The following HSPG2 variants were observed in gnomAD, a reference collection of about 807,000 sequenced individuals.
The protein encoded by HSPG2 is heparan sulfate proteoglycan 2.
In HSPG2, 278 loss-of-function variants were observed where a neutral mutation model predicts 526.6. That is an observed-to-expected ratio of 0.53 (90% CI 0.48 to 0.58). The LOEUF (loss-of-function observed/expected upper bound fraction) is 0.58. Among genes scored for constraint, HSPG2 ranks in the 20% least tolerant of loss-of-function variants. The pLI is 0.00. For synonymous variants in HSPG2, 2,465 were observed against 2,555.4 expected (o/e 0.96, Z 1.07); for missense variants, 5,354 against 6,099.5 (o/e 0.88, Z 4.07).
chr1:21,823,315 C>T lies in HSPG2; in HGVS notation c.*1G>A. 6.5e-7 allele frequency: 1 copy of T among 1,528,718 alleles called. No individual in the cohort carries two copies. 94.7% of individuals were successfully genotyped at this position (1,528,718 alleles called of 1,614,324 possible). On this transcript the variant is annotated 3_prime_UTR_variant, in exon 97 of 97. Transcript: ENST00000374695. ...GGAGTCCGTGTGGGGCAGGCAGGTG[C>T]CTACGAGGGGCAGGGGCGTGTGTTG... is the stretch of plus-strand genomic sequence containing the variant.
At position 21,829,467 on chromosome 1, in the gene HSPG2, C is replaced by G. The variant is rs762861100; in HGVS notation, c.11908G>C (p.Gly3970Arg). 24 of 1,613,276 alleles carry G rather than the reference C, an allele frequency of 1.5e-5. No homozygotes were observed. Among genetic ancestry groups the G allele is most frequent in the East Asian group, 6.7e-5 (3 of 44,892 alleles). ...TCCTCCACAGGCCCGCTCTTCCCCC[C>G]GCTGAACAGCAGGACCCCGTCAGGG... ...LAPDGVLLFS[G>R]GKSGPVEDFV... Residue 3970 changes from glycine (G) to arginine (R), a missense_variant, in exon 87 of 97, where the codon GGG (glycine) becomes CGG (arginine). Gly to Arg is a moderately radical substitution (Grantham distance 125). Transcript: ENST00000374695.
chr1:21,885,866 G>C (rs1366597769), intron 9 of HSPG2, among the ~76,000 whole-genome samples: 1 of 152,258 alleles, frequency 6.6e-6, no homozygotes. Flanking sequence ...CTGGCACAGT[G>C]TGGTCCCCTG....
Position 21,824,739 on chromosome 1 carries a change from G to A in HSPG2, c.12630C>T (p.Gly4210=), listed in dbSNP as rs2097964544. 2 of 1,613,578 alleles carry A rather than the reference G, an allele frequency of 1.2e-6. No individual in the cohort carries two copies. The highest frequency in any genetic ancestry group is 2.7e-5 in the African/African-American group (2 of 74,948). ...GQYGAYFHDD[G]FLAFPGHVFS... is the part of the protein sequence containing the mutation. Reference sequence around the variant, plus strand: ...AGACATGGCCAGGGAAGGCGAGGAAGCCATCATCGTGGAAATAGGCTCCGT... The same window carrying A: ...AGACATGGCCAGGGAAGGCGAGGAAACCATCATCGTGGAAATAGGCTCCGT... The change falls in exon 92 of 97, where the codon GGC becomes GGT. Residue 4210 remains glycine, a synonymous_variant. Transcript: ENST00000374695. The surrounding 1 kb of genome is among the most constrained non-coding windows in gnomAD (Gnocchi z 5.9).
Position 21,885,461 on chromosome 1 carries a change from A to C in HSPG2, c.1079-10T>G, listed in dbSNP as rs1436809663. 1 of 1,613,858 alleles carries C rather than the reference A, an allele frequency of 6.2e-7. No individual in the cohort carries two copies. The highest frequency in any genetic ancestry group is 2.2e-5 in the East Asian group (1 of 44,870). Reference sequence around the variant, plus strand: ...TCAGGACGCTTGGTGGCTGGGGACAAAGCCAGGTGGTTCCCAATAGCCCAC... The same window carrying C: ...TCAGGACGCTTGGTGGCTGGGGACACAGCCAGGTGGTTCCCAATAGCCCAC... On this transcript the variant is annotated splice_polypyrimidine_tract_variant and intron_variant, in intron 9 of 96. Transcript: ENST00000374695.
chr1:21,881,211 A>G (rs1641477423), intron 14 of HSPG2, 128 bp downstream of exon 14: 2 of 1,140,760 alleles, frequency 1.8e-6, no homozygotes, highest in East Asian at 4.7e-5. Context: ...AGCCGCTGCC[A>G]CAGGGGGCTG....
Position 21,880,446 on chromosome 1 carries a change from G to T in HSPG2, c.2112C>A (p.Ser704Arg). Residue 704 changes from serine (S) to arginine (R), a missense_variant, in exon 16 of 97, where the codon AGC (serine) becomes AGA (arginine). Transcript: ENST00000374695. Reference protein sequence around the residue: ...IQTVYNTKMASVGLSDIAMDT... With the variant: ...IQTVYNTKMARVGLSDIAMDT... ...CCATGGCGATGTCGCTAAGTCCCAC[G>T]CTGGCCATCTTGGTGTTGTACACGG... The T allele has an allele frequency of 6.2e-7, 1 of 1,613,982 alleles. No individual in the cohort carries two copies. Among genetic ancestry groups the T allele is most frequent in the South Asian group, 1.1e-5 (1 of 91,086 alleles).
intron 21 of HSPG2, 25 bp from the exon 22 acceptor site, chr1:21,876,677 A>C: frequency 1.9e-6 from 3 of 1,614,088 alleles, no homozygotes; most frequent in Non-Finnish European, 2.5e-6. Flanking sequence ...TTGGAGCTGA[A>C]GGACAGCCCA....
At position 21,876,524 on chromosome 1, in the gene HSPG2, C is replaced by G. The variant is rs764504825; in HGVS notation, c.2814G>C (p.Trp938Cys). 6.2e-7 allele frequency: 1 copy of G among 1,614,184 alleles called. No individual in the cohort carries two copies. Among genetic ancestry groups the G allele is most frequent in the Non-Finnish European group, 8.5e-7 (1 of 1,180,032 alleles). ...GVSRHCTSSS[W>C]SRAQLHGASE... Reference sequence around the variant, plus strand: ...CTTGCAGAGGTACCTGGGCACGGCTCCATGAAGAGCTGGTGCAGTGGCGAC... The same window carrying G: ...CTTGCAGAGGTACCTGGGCACGGCTGCATGAAGAGCTGGTGCAGTGGCGAC... The change falls in exon 22 of 97, where the codon TGG becomes TGC. Residue 938 changes from tryptophan to cysteine, a missense_variant. Transcript: ENST00000374695.
At chr1:21,846,319 G>T (rs1236942279) in intron 63 of HSPG2, 64 bp from the exon 64 acceptor site, 2 of 1,610,554 alleles carry the variant, frequency 1.2e-6, no homozygotes, top group Non-Finnish European at 1.7e-6. Flanking sequence ...GAAGGCCTGG[G>T]GCCAGGGTCT....
intron 1 of HSPG2, among the ~76,000 whole-genome samples, chr1:21,901,395 G>A (rs1409615384): frequency 6.6e-6 from 1 of 152,082 alleles, no homozygotes; most frequent in South Asian, 2.1e-4. Context: ...TGATGCATGC[G>A]GAGTGTGAGG....
chr1:21,872,874 C>A lies in HSPG2; in HGVS notation c.3889-114G>T. The A allele has an allele frequency of 6.5e-7, 1 of 1,541,582 alleles. No homozygotes were observed. ...CCAGCAGCCCCGGGCAGCCCCTGCCCTGTCCCCCATGCCCTGCCCCCCATG... is the reference window on the plus strand; with the variant it reads ...CCAGCAGCCCCGGGCAGCCCCTGCCATGTCCCCCATGCCCTGCCCCCCATG... On this transcript the variant is annotated intron_variant, in intron 31 of 96. Transcript: ENST00000374695. This position sits in a 1 kb window ranked among gnomAD's most constrained non-coding sequence, Gnocchi z 5.5.
chr1:21,918,069 T>C (rs1424973183), intron 1 of HSPG2, among the ~76,000 whole-genome samples: 1 of 152,176 alleles, frequency 6.6e-6, no homozygotes, highest in Non-Finnish European at 1.5e-5. Context: ...GGCTTATAAG[T>C]TTGAGGACTC....
At chr1:21,935,814 G>C (rs1157589544) in intron 1 of HSPG2, among the ~76,000 whole-genome samples, 1 of 152,192 alleles carries the variant, frequency 6.6e-6, no homozygotes, top group African/African-American at 2.4e-5. Flanking sequence ...CAAGACTAGG[G>C]AGCTACTGGA....
intron 1 of HSPG2, among the ~76,000 whole-genome samples, chr1:21,901,801 A>G (rs983443389): frequency 4.6e-5 from 7 of 152,016 alleles, no homozygotes; most frequent in African/African-American, 1.7e-4. Context: ...GGGACAAAAG[A>G]GCTCCTGCCT....
chr1:21,843,027 T>C lies in HSPG2; in HGVS notation c.8759-106A>G, dbSNP rs1316951034. ...GCTCCAGTTGATCCTGGGGGCGCGG[T>C]GGCTTGAGAGTGGCTGATATAACCT... On this transcript the variant is annotated intron_variant, in intron 66 of 96. Coordinates refer to ENST00000374695, the MANE Select transcript of HSPG2 (RefSeq NM_005529.7). The C allele has an allele frequency of 8.9e-6, 12 of 1,351,144 alleles. No individual in the cohort carries two copies. The East Asian group carries it at 2.8e-4, about 31-fold the overall frequency. The allele number at this position is 1,351,144 out of a possible 1,614,324, so 83.7% of individuals were successfully genotyped here. A position where few individuals can be genotyped will look rare whatever the true frequency, so the allele number is the denominator to read the frequency against.
intron 44 of HSPG2, among the ~76,000 whole-genome samples, chr1:21,856,768 G>A (rs533489107): frequency 5.3e-5 from 8 of 152,188 alleles, no homozygotes; most frequent in Admixed American, 3.9e-4. Flanking sequence ...GGCACTCATC[G>A]CCATGTGTAG....
chr1:21,842,958 C>T, intron 66 of HSPG2, 37 bp from the exon 67 acceptor site: 1 of 1,612,940 alleles, frequency 6.2e-7, no homozygotes, highest in African/African-American at 1.3e-5. Flanking sequence ...AGGCCAGGCT[C>T]CGGGGATCAA....
In HSPG2 at chr1:21,848,550, A is replaced by C. The variant is rs1177167184; in HGVS notation, c.7737+93T>G. On this transcript the variant is annotated intron_variant, in intron 59 of 96. Coordinates refer to ENST00000374695, the MANE Select transcript of HSPG2 (RefSeq NM_005529.7). The surrounding 1 kb of genome is among the most constrained non-coding windows in gnomAD (Gnocchi z 4.9). ...ATACTCAATGTTTGTTGAATGACTGAATGAGCACAGAGTGAGGTGCTGAGA... is the reference window on the plus strand; with the variant it reads ...ATACTCAATGTTTGTTGAATGACTGCATGAGCACAGAGTGAGGTGCTGAGA... 5.7e-6 allele frequency: 8 copies of C among 1,407,494 alleles called. 1 individual carries two copies. The highest frequency in any genetic ancestry group is 8.0e-6 in the Non-Finnish European group (8 of 996,664). 87.2% of individuals were successfully genotyped at this position (1,407,494 alleles called of 1,614,324 possible). A position where few individuals can be genotyped will look rare whatever the true frequency, so the allele number is the denominator to read the frequency against.
intron 87 of HSPG2, 101 bp downstream of exon 87, chr1:21,829,282 G>T: frequency 7.0e-7 from 1 of 1,422,572 alleles, no homozygotes; most frequent in Non-Finnish European, 9.9e-7. Context: ...GACTTGCCCT[G>T]ATCCCTGCAT....
Sources: allele counts gnomAD v4.1 joint callset (sites outside exome capture counted in the v4.1 genomes callset), GRCh38; gene constraint gnomAD v4.1.1; non-coding constraint Gnocchi (gnomAD v3.1); transcripts MANE v1.5; gene names NCBI Gene and HGNC (gene_info 2026-07-23, HGNC 2026-07-21).